SCNN1B: variants seen among roughly 807,000 people sequenced by gnomAD.
The protein encoded by SCNN1B is epithelial sodium channel subunit beta.
A neutral mutation model predicts 65.3 loss-of-function variants in SCNN1B; 46 were observed. That is an observed-to-expected ratio of 0.70 (90% CI 0.56 to 0.90). The LOEUF (loss-of-function observed/expected upper bound fraction) is 0.90, where lower values mean the gene tolerates loss of function less well. Among genes scored for constraint, SCNN1B ranks in the 40% least tolerant of loss-of-function variants. The pLI is 0.00. For synonymous variants in SCNN1B, 349 were observed against 330.6 expected, an observed-to-expected ratio of 1.06 and a Z score of -0.60; for missense variants, 751 against 830.5, an observed-to-expected ratio of 0.90 and a Z score of 1.18.
At chr16:23,327,065 C>T (rs149233996) in intron 1 of SCNN1B, among the ~76,000 whole-genome samples, 176 of 152,118 alleles carry the variant, frequency 1.2e-3, no homozygotes, top group African/African-American at 4.2e-3. Context: ...TACAGGCATG[C>T]ATCACTATGC....
intron 2 of SCNN1B, among the ~76,000 whole-genome samples, chr16:23,349,993 G>T (rs187252978): frequency 1.0e-3 from 159 of 151,996 alleles, no homozygotes; most frequent in Admixed American, 3.0e-3. Flanking sequence ...CACGAGAATT[G>T]CTTGACCCCG....
upstream of SCNN1B, among the ~76,000 whole-genome samples, chr16:23,299,059 C>CTTTTTTTTTTTTTTTTTTTT: frequency 7.7e-6 from 1 of 130,554 alleles, no homozygotes; most frequent in Non-Finnish European, 1.7e-5. Context: ...TTTTCTTTTT[C>CTTTTTTTTTTTTTTTTTTTT]TTTTTTTTTT....
chr16:23,289,555 A>G (rs1311925808), intron 2 of SCNN1B, among the ~76,000 whole-genome samples: 2 of 147,360 alleles, frequency 1.4e-5, no homozygotes, highest in African/African-American at 5.0e-5. Flanking sequence ...TATCTCAAAG[A>G]AAAAAAAAAA....
chr16:23,357,772 G>T (rs1474532478), intron 4 of SCNN1B, among the ~76,000 whole-genome samples: 1 of 152,134 alleles, frequency 6.6e-6, no homozygotes, highest in South Asian at 2.1e-4. Flanking sequence ...TTCCTTGAGG[G>T]CCACCCCATG....
chr16:23,312,677 T>C (rs1191719717), intron 1 of SCNN1B, among the ~76,000 whole-genome samples: 1 of 152,134 alleles, frequency 6.6e-6, no homozygotes, highest in African/African-American at 2.4e-5. Context: ...AATCAGGGCC[T>C]TGGGTGAGTG....
In SCNN1B at chr16:23,355,390, T is replaced by A; in HGVS notation, c.677T>A (p.Ile226Asn). ...TEWYILQATNIFAQVPQQELV... is the reference protein window; with the variant it reads ...TEWYILQATNNFAQVPQQELV... ...TGGTACATCCTGCAGGCCACCAACATCTTTGCACAGGTGCCACAGCAGGAG... is the reference window on the plus strand; with the variant it reads ...TGGTACATCCTGCAGGCCACCAACAACTTTGCACAGGTGCCACAGCAGGAG... Residue 226 changes from isoleucine (I) to asparagine (N), a missense_variant, in exon 4 of 13, where the codon ATC becomes AAC. Coordinates refer to ENST00000343070, the MANE Select transcript of SCNN1B (RefSeq NM_000336.3). The A allele has an allele frequency of 6.2e-7, 1 of 1,614,044 alleles. No homozygotes were observed. The highest frequency in any genetic ancestry group is 1.1e-5 in the South Asian group (1 of 91,064).
At chr16:23,362,329 CA>C (rs113611025) in intron 4 of SCNN1B, among the ~76,000 whole-genome samples, 14,146 of 121,288 alleles carry the variant, frequency 0.12, 1,544 homozygotes, top group African/African-American at 0.31. Context: ...TGAGCAATCT[CA>C]AAAAAAAAAA....
chr16:23,345,999 G>A (rs1012445639), intron 1 of SCNN1B, among the ~76,000 whole-genome samples: 4 of 152,066 alleles, frequency 2.6e-5, no homozygotes, highest in African/African-American at 9.7e-5. Context: ...GGGGGAAGCA[G>A]GAATGTCCTT....
chr16:23,286,951 TTTG>T (rs565907237), intron 2 of SCNN1B, among the ~76,000 whole-genome samples: 33 of 151,928 alleles, frequency 2.2e-4, no homozygotes, highest in South Asian at 6.3e-4. Context: ...TATTTAGTTT[TTTG>T]TTGTTGTTGT....
chr16:23,315,251 C>A (rs560881874), intron 1 of SCNN1B, among the ~76,000 whole-genome samples: 1 of 151,978 alleles, frequency 6.6e-6, no homozygotes, highest in Non-Finnish European at 1.5e-5. Context: ...GCAGGAGAAT[C>A]GCTTGAACCT....
At chr16:23,361,716 C>CACT (rs1962556812) in intron 4 of SCNN1B, among the ~76,000 whole-genome samples, 1 of 152,146 alleles carries the variant, frequency 6.6e-6, no homozygotes, top group South Asian at 2.1e-4. Flanking sequence ...TACTTTCTGG[C>CACT]ACTACAGGAT....
At chr16:23,366,195 A>G (rs1236142809) in intron 4 of SCNN1B, among the ~76,000 whole-genome samples, 2 of 148,162 alleles carry the variant, frequency 1.3e-5, no homozygotes. Flanking sequence ...TTTATTTTTA[A>G]TTTTTTACAA....
chr16:23,335,802 T>C (rs1465192288), intron 1 of SCNN1B, among the ~76,000 whole-genome samples: 1 of 152,166 alleles, frequency 6.6e-6, no homozygotes, highest in African/African-American at 2.4e-5. Context: ...GTTCTACCCT[T>C]TCTTTGCTCT....
Position 23,380,298 on chromosome 16 carries a change from C to T in SCNN1B, c.1543-123C>T, listed in dbSNP as rs1963014270. On this transcript the variant is annotated intron_variant, in intron 12 of 12. Coordinates refer to ENST00000343070, the MANE Select transcript of SCNN1B (RefSeq NM_000336.3). The surrounding 1 kb of genome is among the most constrained non-coding windows in gnomAD (Gnocchi z 5.4). The stretch of plus-strand genomic sequence containing the variant: ...CCCTAAGACAGTCCCAAGTTATTCC[C>T]CTGGGCCAAGATGGTCACCCCCTCC... 1 of 1,535,668 alleles carries T rather than the reference C, an allele frequency of 6.5e-7. No individual in the cohort carries two copies. The highest frequency in any genetic ancestry group is 1.4e-5 in the African/African-American group (1 of 73,390).
intron 1 of SCNN1B, among the ~76,000 whole-genome samples, chr16:23,343,581 G>GAGAAAGAAAGAAAAAGAGAA (rs1962108702): frequency 1.4e-5 from 1 of 70,324 alleles, no homozygotes; most frequent in Non-Finnish European, 2.6e-5. Flanking sequence ...GAAAGAAAAA[G>GAGAAAGAAAGAAAAAGAGAA]AGAAAGAAAG....
At position 23,331,654 on chromosome 16, in the gene SCNN1B, C is replaced by T. The variant is rs1961814696; in HGVS notation, c.-8-16938C>T. Among the ~76,000 whole-genome samples, 3 of 152,162 alleles carry T rather than the reference C, an allele frequency of 2.0e-5. No individual in the cohort carries two copies. The South Asian group carries it at 6.2e-4, about 32-fold the overall frequency. On this transcript the variant is annotated intron_variant, in intron 1 of 12. Coordinates refer to ENST00000343070, the MANE Select transcript of SCNN1B (RefSeq NM_000336.3). ...CTTTTATAAGTACACTAATCCCACTCATGATACATGATTCAACACCTCCCA... is the reference window on the plus strand; with the variant it reads ...CTTTTATAAGTACACTAATCCCACTTATGATACATGATTCAACACCTCCCA...
intron 1 of SCNN1B, among the ~76,000 whole-genome samples, chr16:23,342,955 T>C (rs1475884843): frequency 2.6e-5 from 4 of 152,186 alleles, no homozygotes; most frequent in African/African-American, 9.7e-5. Flanking sequence ...TTGAACAATG[T>C]GAATATACTG....
chr16:23,346,200 CTTTTTTTTTTT>C (rs753802362), intron 1 of SCNN1B, among the ~76,000 whole-genome samples: 13 of 78,010 alleles, frequency 1.7e-4, no homozygotes, highest in South Asian at 1.1e-3. Context: ...TTTTCCTTTT[CTTTTTTTTTTT>C]TTTTTTTTTT....
intron 10 of SCNN1B, among the ~76,000 whole-genome samples, chr16:23,377,616 TC>T (rs1962935691): frequency 3.1e-5 from 1 of 31,860 alleles, no homozygotes; most frequent in Non-Finnish European, 6.3e-5. Context: ...CCTTCTTTCT[TC>T]CTTCCTTCAT....
Sources: allele counts gnomAD v4.1 joint callset (sites outside exome capture counted in the v4.1 genomes callset), GRCh38; gene constraint gnomAD v4.1.1; non-coding constraint Gnocchi (gnomAD v3.1); transcripts MANE v1.5; gene names NCBI Gene and HGNC (gene_info 2026-07-23, HGNC 2026-07-21).